LRRC41: variants seen among roughly 807,000 people sequenced by gnomAD.
The protein encoded by LRRC41 is leucine rich repeat containing 41, also known as leucine-rich repeat-containing protein 41.
A neutral mutation model predicts 72.1 loss-of-function variants in LRRC41; 17 were observed. The observed-to-expected ratio is 0.24, with a 90% CI of 0.16 to 0.35. The LOEUF (loss-of-function observed/expected upper bound fraction) is 0.35. Ranked by LOEUF, LRRC41 falls within the 10% of genes least tolerant of loss-of-function variation. The pLI, the probability that LRRC41 is intolerant of heterozygous loss-of-function variation, is 1.00. For missense variants in LRRC41, 759 were observed against 1,065.0 expected (o/e 0.71, Z 4.00); for synonymous variants, 427 against 431.0 (o/e 0.99, Z 0.11).
chr1:46,295,605 T>G (rs1307737401), intron 3 of LRRC41, among the ~76,000 whole-genome samples: 1 of 152,206 alleles, frequency 6.6e-6, no homozygotes, highest in Non-Finnish European at 1.5e-5. Context: ...TAACTGACTG[T>G]TGGGCCACCA....
intron 4 of LRRC41, among the ~76,000 whole-genome samples, chr1:46,284,715 C>T (rs981828230): frequency 4.6e-5 from 7 of 151,974 alleles, no homozygotes; most frequent in Non-Finnish European, 2.9e-5. Flanking sequence ...TGAGGTCATC[C>T]CTGAGAAGGG....
intron 3 of LRRC41, among the ~76,000 whole-genome samples, chr1:46,295,262 T>C (rs2148324199): frequency 1.3e-5 from 2 of 152,208 alleles, no homozygotes; most frequent in Admixed American, 1.3e-4. Context: ...AGTCTTGCCA[T>C]GTTGCCCAGG....
rs373322206 is a variant in LRRC41 at position 46,286,164 on chromosome 1, C to T, written c.693G>A (p.Ser231=). ...ACTCAGGCACAGGCCAGGAGTATAG[C>T]GACACTTGACTGACAGCCCCATGGT... ...LIHHGAVSQV[S]LYSWPVPESA... The change falls in exon 4 of 10, where the codon TCG becomes TCA. Residue 231 remains serine (S), a synonymous_variant. Transcript: ENST00000617190. This position sits in a 1 kb window ranked among gnomAD's most constrained non-coding sequence, Gnocchi z 5.5. The T allele has an allele frequency of 6.2e-6, 10 of 1,614,104 alleles. No individual in the cohort carries two copies. Among genetic ancestry groups the T allele is most frequent in the South Asian group, 3.3e-5 (3 of 91,094 alleles).
intron 2 of LRRC41, 94 bp downstream of exon 2, chr1:46,298,190 G>A (rs1323734980): frequency 8.9e-6 from 8 of 895,466 alleles, no homozygotes; most frequent in East Asian, 2.5e-5. Flanking sequence ...AAAGCACGAA[G>A]TTCTAGCAGG....
At position 46,285,038 on chromosome 1, in the gene LRRC41, C is replaced by T. The variant is rs553921503; in HGVS notation, c.1495+324G>A. On this transcript the variant is annotated intron_variant, in intron 4 of 9. Transcript: ENST00000617190. The surrounding 1 kb of genome is among the most constrained non-coding windows in gnomAD (Gnocchi z 5.3). Reference sequence around the variant, plus strand: ...TGAGGTGGTGAGGTCAAACTCTAGCCCTGCCTGAGCATGCATATACTATAC... The same window carrying T: ...TGAGGTGGTGAGGTCAAACTCTAGCTCTGCCTGAGCATGCATATACTATAC... 2 of 313,778 alleles carry T rather than the reference C, an allele frequency of 6.4e-6. No homozygotes were observed. Among genetic ancestry groups the T allele is most frequent in the Non-Finnish European group, 1.2e-5 (2 of 162,594 alleles). 19.4% of individuals were successfully genotyped at this position (313,778 alleles called of 1,614,324 possible).
chr1:46,278,453 G>A lies in LRRC41; in HGVS notation c.*412C>T. 2 of 836,060 alleles carry A rather than the reference G, an allele frequency of 2.4e-6. No individual in the cohort carries two copies. Among genetic ancestry groups the A allele is most frequent in the Non-Finnish European group, 3.8e-6 (2 of 527,232 alleles). The allele number at this position is 836,060 out of a possible 1,614,324, so 51.8% of individuals were successfully genotyped here. A position where few individuals can be genotyped will look rare whatever the true frequency, so the allele number is the denominator to read the frequency against. On this transcript the variant is annotated 3_prime_UTR_variant, in exon 10 of 10. Coordinates refer to ENST00000617190, the MANE Select transcript of LRRC41 (RefSeq NM_006369.5). ...GAAAAACTTTTTTGGTTAAAAAAAAGAATAAAGGTATGAAAGGGTTTGAGG... is the reference window on the plus strand; with the variant it reads ...GAAAAACTTTTTTGGTTAAAAAAAAAAATAAAGGTATGAAAGGGTTTGAGG...
chr1:46,285,756 G>A lies in LRRC41; in HGVS notation c.1101C>T (p.Ala367=). The A allele has an allele frequency of 6.2e-7, 1 of 1,601,068 alleles. No homozygotes were observed. The highest frequency in any genetic ancestry group is 8.5e-7 in the Non-Finnish European group (1 of 1,173,464). ...SPSAPAATSS[A]SSSTSSYKRA... ...GTTTGTATGAGGATGTAGAAGAAGA[G>A]GCAGAGGAGGTGGCTGCTGGAGCAG... The change falls in exon 4 of 10, where the codon GCC becomes GCT. Residue 367 remains alanine, a synonymous_variant. Coordinates refer to ENST00000617190, the MANE Select transcript of LRRC41 (RefSeq NM_006369.5). This position sits in a 1 kb window ranked among gnomAD's most constrained non-coding sequence, Gnocchi z 5.3.
At chr1:46,293,731 G>C (rs1031804683) in intron 3 of LRRC41, among the ~76,000 whole-genome samples, 1 of 151,638 alleles carries the variant, frequency 6.6e-6, no homozygotes, top group Non-Finnish European at 1.5e-5. Flanking sequence ...CACCACGCCC[G>C]GCTAATTTTT....
At chr1:46,295,844 C>T (rs1228079880) in intron 3 of LRRC41, among the ~76,000 whole-genome samples, 4 of 152,150 alleles carry the variant, frequency 2.6e-5, no homozygotes, top group Admixed American at 2.0e-4. Context: ...TCATTCTGAA[C>T]GCCAAGGGTT....
In LRRC41 at chr1:46,278,109, C is replaced by T. The variant is rs201414217; in HGVS notation, c.*756G>A. The T allele has an allele frequency of 4.5e-5, 72 of 1,613,816 alleles. No individual in the cohort carries two copies. The highest frequency in any genetic ancestry group is 3.3e-4 in the Middle Eastern group (2 of 6,084). On this transcript the variant is annotated 3_prime_UTR_variant, in exon 10 of 10. Coordinates refer to ENST00000617190, the MANE Select transcript of LRRC41 (RefSeq NM_006369.5). Reference sequence around the variant, plus strand: ...ACGTTGTGTCAACAGCCGTCAGATCCGGCCACCCCCTGATGGTTCTGACTG... The same window carrying T: ...ACGTTGTGTCAACAGCCGTCAGATCTGGCCACCCCCTGATGGTTCTGACTG...
chr1:46,284,812 C>T (rs1187633784), intron 4 of LRRC41, among the ~76,000 whole-genome samples: 1 of 152,164 alleles, frequency 6.6e-6, no homozygotes, highest in Non-Finnish European at 1.5e-5. Flanking sequence ...CATATAGTAA[C>T]ACTGATTTGC....
chr1:46,280,448 A>G lies in LRRC41; in HGVS notation c.1869T>C (p.Ser623=), dbSNP rs1166896858. Residue 623 remains serine, a synonymous_variant, in exon 6 of 10, where the codon AGT becomes AGC. Transcript: ENST00000617190. ...AATCCTGGGGAGAGGCAAAGGTGGC[A>G]CTATCCAGGGACAGCTGCTGCAGAG... The part of the protein sequence containing the change: ...SGSLQQLSLD[S]ATFASPQDFG... 2 of 1,614,216 alleles carry G rather than the reference A, an allele frequency of 1.2e-6. No homozygotes were observed. Among genetic ancestry groups the G allele is most frequent in the Non-Finnish European group, 1.7e-6 (2 of 1,180,040 alleles).
chr1:46,290,420 T>C (rs745969970), intron 3 of LRRC41, among the ~76,000 whole-genome samples: 23 of 152,174 alleles, frequency 1.5e-4, no homozygotes, highest in Non-Finnish European at 2.8e-4. Flanking sequence ...AAGTGTAAAC[T>C]AACTCTGGAG....
At chr1:46,294,969 A>C (rs1222147628) in intron 3 of LRRC41, among the ~76,000 whole-genome samples, 2 of 152,204 alleles carry the variant, frequency 1.3e-5, no homozygotes, top group Non-Finnish European at 2.9e-5. Flanking sequence ...CCAAATAGCT[A>C]ACCAATTGCT....
In LRRC41 at chr1:46,286,071, G is replaced by A. The variant is rs1303455669; in HGVS notation, c.786C>T (p.Pro262=). The A allele has an allele frequency of 6.2e-7, 1 of 1,609,790 alleles. No homozygotes were observed. The highest frequency in any genetic ancestry group is 1.3e-5 in the African/African-American group (1 of 74,844). The change falls in exon 4 of 10, where the codon CCC becomes CCT. Residue 262 remains proline (P), a synonymous_variant. Coordinates refer to ENST00000617190, the MANE Select transcript of LRRC41 (RefSeq NM_006369.5). The surrounding 1 kb of genome is among the most constrained non-coding windows in gnomAD (Gnocchi z 5.5). ...GGGAGGCCTCTCCACAGAGGCGGCA[G>A]GGTGGGCCACCAGGCCCTGGTTGCC... ...GFWQPGPGGP[P]CRLCGEASRG...
In LRRC41 at chr1:46,279,244, C is replaced by G; in HGVS notation, c.2157G>C (p.Leu719=). 1 of 1,614,150 alleles carries G rather than the reference C, an allele frequency of 6.2e-7. No homozygotes were observed. Among genetic ancestry groups the G allele is most frequent in the Non-Finnish European group, 8.5e-7 (1 of 1,179,992 alleles). ...LPGNRLGNAG[L]LALADVFSED... The stretch of plus-strand genomic sequence containing the variant: ...CTGAGAAAACATCTGCCAAGGCCAG[C>G]AGGCCAGCATTCCCTGGAGAGAAGG... The change falls in exon 9 of 10, where the codon CTG becomes CTC. Residue 719 remains leucine, a synonymous_variant. Coordinates refer to ENST00000617190, the MANE Select transcript of LRRC41 (RefSeq NM_006369.5). The surrounding 1 kb of genome is among the most constrained non-coding windows in gnomAD (Gnocchi z 4.5).
In LRRC41 at chr1:46,279,896, A is replaced by G. The variant is rs1486049218; in HGVS notation, c.2021-282T>C. Among the ~76,000 whole-genome samples the G allele has an allele frequency of 6.6e-6, 1 of 152,154 alleles. No individual in the cohort carries two copies. The highest frequency in any genetic ancestry group is 1.5e-5 in the Non-Finnish European group (1 of 68,032). On this transcript the variant is annotated intron_variant, in intron 7 of 9. Transcript: ENST00000617190. The surrounding 1 kb of genome is among the most constrained non-coding windows in gnomAD (Gnocchi z 4.5). ...CTATGCGGGGGTGGGGATCAGAGAA[A>G]AGTCTATGAGGGGAGCCTGGCACAG...
intron 4 of LRRC41, among the ~76,000 whole-genome samples, chr1:46,282,803 T>C (rs1258112066): frequency 6.6e-6 from 1 of 151,908 alleles, no homozygotes; most frequent in African/African-American, 2.4e-5. Flanking sequence ...GAGGCTGAGG[T>C]AGGCAGATCA....
At chr1:46,298,251 C>T (rs371115801) in intron 2 of LRRC41, 33 bp downstream of exon 2, 78 of 1,429,276 alleles carry the variant, frequency 5.5e-5, no homozygotes, top group Admixed American at 7.2e-5. Context: ...TGCTCATAAT[C>T]ATTGACTGAG....
Sources: gnomAD v4.1 joint callset for allele counts (sites outside exome capture counted in the v4.1 genomes callset) on GRCh38, gnomAD v4.1.1 for gene constraint, Gnocchi (gnomAD v3.1) non-coding constraint, MANE v1.5 for transcripts, NCBI Gene and HGNC (gene_info 2026-07-23, HGNC 2026-07-21) for gene names.